Variants in FSTL5 observed in about 807,000 individuals in gnomAD.
FSTL5 encodes the protein follistatin like 5.
In FSTL5, 62 loss-of-function variants were observed where a neutral mutation model predicts 89.1. That is an observed-to-expected ratio of 0.70 (90% CI 0.57 to 0.86). FSTL5 has a LOEUF of 0.86. Ranked by LOEUF, FSTL5 falls within the 40% of genes least tolerant of loss-of-function variation. The pLI is 0.00. For missense variants in FSTL5, 1,057 were observed against 1,001.6 expected (o/e 1.06, Z -0.75); for synonymous variants, 383 against 346.2 (o/e 1.11, Z -1.18).
rs553929596 is a variant in FSTL5 at position 161,664,119 on chromosome 4, G to C, written c.728-7625C>G. Reference sequence around the variant, plus strand: ...CTCCTGGGCCTCTGGCCCTGTGATGGGACGGGCTGCGGTGAAGGTCTCTGA... The same window carrying C: ...CTCCTGGGCCTCTGGCCCTGTGATGCGACGGGCTGCGGTGAAGGTCTCTGA... On this transcript the variant is annotated intron_variant, in intron 6 of 15. Transcript: ENST00000306100. Among the ~76,000 whole-genome samples, 46 of 152,290 alleles carry C rather than the reference G, an allele frequency of 3.0e-4. No homozygotes were observed. In the South Asian group the frequency reaches 9.5e-3, roughly 32 times the overall value.
chr4:161,975,730 G>A (rs1735617903), intron 3 of FSTL5, among the ~76,000 whole-genome samples: 1 of 146,810 alleles, frequency 6.8e-6, no homozygotes, highest in Non-Finnish European at 1.5e-5. Flanking sequence ...ATGTGCACAT[G>A]TACCCTAAAA....
At chr4:162,115,583 G>A (rs571837478) in intron 1 of FSTL5, among the ~76,000 whole-genome samples, 1 of 152,188 alleles carries the variant, frequency 6.6e-6, no homozygotes, top group Non-Finnish European at 1.5e-5. Flanking sequence ...TAATGATCCT[G>A]TGACTTTTCC....
intron 8 of FSTL5, among the ~76,000 whole-genome samples, chr4:161,560,391 T>C (rs897543028): frequency 6.6e-6 from 1 of 151,910 alleles, no homozygotes; most frequent in Admixed American, 6.6e-5. Flanking sequence ...ACTCAGGCTA[T>C]ATTAGATTTA....
intron 4 of FSTL5, among the ~76,000 whole-genome samples, chr4:161,836,496 A>T (rs113026955): frequency 0.023 from 3,467 of 152,062 alleles, 128 homozygotes; most frequent in African/African-American, 0.077. Context: ...AAAAAAAGTA[A>T]GAAATGTTCC....
At chr4:161,423,454 T>A (rs1047567452) in intron 15 of FSTL5, among the ~76,000 whole-genome samples, 15 of 152,212 alleles carry the variant, frequency 9.9e-5, no homozygotes, top group Non-Finnish European at 1.9e-4. Flanking sequence ...TTAGATTTTT[T>A]AAAATTTTTC....
chr4:161,610,728 T>G (rs1294834270), intron 7 of FSTL5, among the ~76,000 whole-genome samples: 2 of 152,166 alleles, frequency 1.3e-5, no homozygotes, highest in Non-Finnish European at 2.9e-5. Context: ...AAAGGGAGCC[T>G]GCTGACACAT....
intron 4 of FSTL5, among the ~76,000 whole-genome samples, chr4:161,811,247 G>A (rs1161846425): frequency 6.6e-6 from 1 of 152,044 alleles, no homozygotes; most frequent in Admixed American, 6.6e-5. Context: ...GAGTGCCAAA[G>A]GAGGAATGGA....
At chr4:161,407,775 G>T (rs1731436910) in intron 15 of FSTL5, among the ~76,000 whole-genome samples, 1 of 138,892 alleles carries the variant, frequency 7.2e-6, no homozygotes, top group African/African-American at 2.7e-5. Context: ...CCCTCCCTGG[G>T]TCCTGGCTGC....
chr4:161,987,485 T>TATATATATACAC (rs984214889), intron 3 of FSTL5, among the ~76,000 whole-genome samples: 21 of 143,606 alleles, frequency 1.5e-4, no homozygotes, highest in Non-Finnish European at 2.1e-4. Flanking sequence ...TATATATATA[T>TATATATATACAC]ACATACATAT....
At chr4:162,141,084 G>C (rs955398946) in intron 1 of FSTL5, among the ~76,000 whole-genome samples, 2 of 148,100 alleles carry the variant, frequency 1.4e-5, no homozygotes, top group African/African-American at 5.0e-5. Context: ...GCTTAAGAGT[G>C]TGGCACCTCC....
chr4:161,390,860 T>C (rs1445657201), intron 15 of FSTL5, among the ~76,000 whole-genome samples: 1 of 152,132 alleles, frequency 6.6e-6, no homozygotes, highest in Non-Finnish European at 1.5e-5. Flanking sequence ...TTCTTCTCAC[T>C]ACTGACTTTC....
chr4:161,897,623 CAG>C (rs1251794294), intron 4 of FSTL5, among the ~76,000 whole-genome samples: 1 of 149,112 alleles, frequency 6.7e-6, no homozygotes, highest in African/African-American at 2.5e-5. Context: ...GCAGATAATT[CAG>C]AGAGTTTCAT....
chr4:161,835,541 C>T (rs1189020210), intron 4 of FSTL5, among the ~76,000 whole-genome samples: 1 of 151,890 alleles, frequency 6.6e-6, no homozygotes, highest in Non-Finnish European at 1.5e-5. Flanking sequence ...AGAAAATTTT[C>T]ACAACCTACT....
rs963084070 is a variant in FSTL5 at position 161,781,152 on chromosome 4, T to C, written c.410-5078A>G. ...GCTAATAAAACACAAATATTTTAGA[T>C]AAATATTTTGTATTTAAAGCATAAA... On this transcript the variant is annotated intron_variant, in intron 4 of 15. Transcript: ENST00000306100. 5.3e-5 allele frequency among the ~76,000 whole-genome samples: 8 copies of C among 152,184 alleles called. No homozygotes were observed. The South Asian group carries it at 6.2e-4, about 12-fold the overall frequency.
chr4:161,701,387 A>G (rs1219163124), intron 6 of FSTL5, among the ~76,000 whole-genome samples: 1 of 152,170 alleles, frequency 6.6e-6, no homozygotes, highest in Non-Finnish European at 1.5e-5. Flanking sequence ...ATTCTCTAAA[A>G]TGTTATTCTC....
chr4:161,879,480 C>T (rs1025061996), intron 4 of FSTL5, among the ~76,000 whole-genome samples: 1 of 152,128 alleles, frequency 6.6e-6, no homozygotes, highest in Non-Finnish European at 1.5e-5. Context: ...CTTCCTTTCA[C>T]GTAAAGAAAT....
chr4:162,154,813 T>G (rs78532016), intron 1 of FSTL5, among the ~76,000 whole-genome samples: 8,027 of 137,510 alleles, frequency 0.058, 450 homozygotes, highest in East Asian at 0.17. Context: ...ACTATGCAGG[T>G]TTTTTTTTAC....
chr4:161,783,728 T>TTCTTTCTTTCTTTCTTTCTTTCTTTC (rs1391781881), intron 4 of FSTL5, among the ~76,000 whole-genome samples: 1 of 15,538 alleles, frequency 6.4e-5, no homozygotes, highest in African/African-American at 2.5e-4. Flanking sequence ...TCTTTCTTCT[T>TTCTTTCTTTCTTTCTTTCTTTCTTTC]TTCTTTTCTT....
chr4:161,686,322 ATATATATATATATATATATATATATTTTT>A (rs1393452799), intron 6 of FSTL5, among the ~76,000 whole-genome samples: 12 of 4,360 alleles, frequency 2.8e-3, no homozygotes, highest in East Asian at 0.016. Context: ...ATATATATAT[ATATATATATATATATATATATATATTTTT>A]TTTTTTTTTT....
Sources: allele counts gnomAD v4.1 joint callset (sites outside exome capture counted in the v4.1 genomes callset), GRCh38; gene constraint gnomAD v4.1.1; transcripts MANE v1.5; gene names NCBI Gene and HGNC (gene_info 2026-07-23, HGNC 2026-07-21).